JPH3: variants seen among roughly 807,000 people sequenced by gnomAD.
JPH3 encodes the protein junctophilin 3, also known as junctophilin-3.
Under a neutral mutation model 59.6 loss-of-function variants are expected in JPH3, and 11 were observed. The ratio of observed to expected loss-of-function variants is 0.18; its 90% CI spans 0.12 to 0.31. JPH3 has a LOEUF of 0.31. JPH3 is among the 10% of genes least tolerant of loss of function. The pLI is 1.00. For missense variants in JPH3, 1,202 were observed against 1,105.7 expected (o/e 1.09, Z -1.24); for synonymous variants, 673 against 483.6 (o/e 1.39, Z -5.14).
At chr16:87,684,492 T>G in intron 3 of JPH3, 7 of 596,620 alleles carry the variant, frequency 1.2e-5, no homozygotes, top group Non-Finnish European at 1.7e-5. Context: ...GTCTCTCCCA[T>G]TCCCACAGTC....
At position 87,696,671 on chromosome 16, in the gene JPH3, CGGTAGCAAAAATAGAGAAAG is replaced by C; in HGVS notation, c.*17_*36del. 6.2e-7 allele frequency: 1 copy of C among 1,605,296 alleles called. No individual in the cohort carries two copies. The highest frequency in any genetic ancestry group is 8.5e-7 in the Non-Finnish European group (1 of 1,172,698). Reference sequence around the variant, plus strand: ...AACTTTTTCATCTGATGAGATGTCGCGGTAGCAAAAATAGAGAAAGGGTAGAAAAAAGGGACATTAAAATT... The same window carrying C: ...AACTTTTTCATCTGATGAGATGTCGCGGTAGAAAAAAGGGACATTAAAATT... On this transcript the variant is annotated 3_prime_UTR_variant, in exon 5 of 5. Transcript: ENST00000284262.
In JPH3 at chr16:87,622,959, C is replaced by T. The variant is rs199861893; in HGVS notation, c.382+19431C>T. Among the ~76,000 whole-genome samples the T allele has an allele frequency of 1.6e-4, 24 of 152,250 alleles. No individual in the cohort carries two copies. In the East Asian group the frequency reaches 2.3e-3, roughly 15 times the overall value. On this transcript the variant is annotated intron_variant, in intron 1 of 4. Coordinates refer to ENST00000284262, the MANE Select transcript of JPH3 (RefSeq NM_020655.4). ...GAGGACTTGCCTTCTCTGCGATGGC[C>T]GCTACTACCTGGGTCCCACAGGGGG...
At chr16:87,687,765 A>T (rs1313163445) in intron 3 of JPH3, among the ~76,000 whole-genome samples, 1 of 151,940 alleles carries the variant, frequency 6.6e-6, no homozygotes, top group Non-Finnish European at 1.5e-5. Flanking sequence ...GGGCCCCTCT[A>T]GCGTGGGGTC....
Position 87,653,062 on chromosome 16 carries a change from G to T in JPH3, c.1160+8027G>T, listed in dbSNP as rs180920041. ...CAGTGCGTGGTCTCCAAGCCAGTCA[G>T]TGCCTGCGGGGGGGACTAGAATTCT... On this transcript the variant is annotated intron_variant, in intron 2 of 4. Transcript: ENST00000284262. Among the ~76,000 whole-genome samples the T allele has an allele frequency of 1.6e-3, 247 of 151,640 alleles. 1 individual carries two copies. Among genetic ancestry groups the T allele is most frequent in the African/African-American group, 5.8e-3 (236 of 40,944 alleles).
intron 1 of JPH3, among the ~76,000 whole-genome samples, chr16:87,625,828 C>A (rs1329793932): frequency 6.6e-6 from 1 of 152,048 alleles, no homozygotes; most frequent in Non-Finnish European, 1.5e-5. Context: ...AGAACCGCAG[C>A]GGCTTGTAGA....
chr16:87,633,092 G>A (rs1018201974), intron 1 of JPH3, among the ~76,000 whole-genome samples: 2 of 152,088 alleles, frequency 1.3e-5, no homozygotes, highest in South Asian at 2.1e-4. Context: ...AGAATTCTGT[G>A]TCCTCAGGCT....
chr16:87,619,610 A>G (rs1001921084), intron 1 of JPH3, among the ~76,000 whole-genome samples: 1 of 152,082 alleles, frequency 6.6e-6, no homozygotes, highest in Non-Finnish European at 1.5e-5. Context: ...GGCTGTCACT[A>G]TCTGGCTCTG....
intron 2 of JPH3, among the ~76,000 whole-genome samples, chr16:87,676,616 C>T (rs957930408): frequency 4.0e-5 from 6 of 151,724 alleles, no homozygotes; most frequent in African/African-American, 1.5e-4. Flanking sequence ...CGCCTGTAAT[C>T]CCAGCTACAT....
At chr16:87,685,956 A>T (rs1340182696) in intron 3 of JPH3, among the ~76,000 whole-genome samples, 1 of 152,044 alleles carries the variant, frequency 6.6e-6, no homozygotes, top group African/African-American at 2.4e-5. Context: ...AGACAAGATC[A>T]GCCTGGATTG....
rs1597310754 is a variant in JPH3 at position 87,697,131 on chromosome 16, G to A, written c.*471G>A. 1 of 208,522 alleles carries A rather than the reference G, an allele frequency of 4.8e-6. No homozygotes were observed. The highest frequency in any genetic ancestry group is 1.1e-4 in the East Asian group (1 of 8,810). 12.9% of individuals were successfully genotyped at this position (208,522 alleles called of 1,614,324 possible). A position where few individuals can be genotyped will look rare whatever the true frequency, so the allele number is the denominator to read the frequency against. ...CTTTCTCTGTCTAGAACAGACGGGT[G>A]ACAAGTATGGGCAGGAGGCATGGGG... On this transcript the variant is annotated 3_prime_UTR_variant, in exon 5 of 5. Transcript: ENST00000284262.
Position 87,644,491 on chromosome 16 carries a change from A to G in JPH3, c.616A>G (p.Ile206Val). Reference sequence around the variant, plus strand: ...GCTCGTGGCCCACAGTGACTCCGAGATCCTCAAGAGCAAGAAGAAGGGGCT... The same window carrying G: ...GCTCGTGGCCCACAGTGACTCCGAGGTCCTCAAGAGCAAGAAGAAGGGGCT... ...FVLVAHSDSE[I>V]LKSKKKGLFR... The change falls in exon 2 of 5, where the codon ATC becomes GTC. Residue 206 changes from isoleucine (I) to valine (V), a missense_variant. Physicochemically the swap from Ile to Val is conservative, Grantham distance 29. Transcript: ENST00000284262. 6.2e-7 allele frequency: 1 copy of G among 1,612,894 alleles called. No homozygotes were observed. The highest frequency in any genetic ancestry group is 8.5e-7 in the Non-Finnish European group (1 of 1,179,834).
chr16:87,670,955 A>G (rs556957657), intron 2 of JPH3, among the ~76,000 whole-genome samples: 2 of 152,090 alleles, frequency 1.3e-5, no homozygotes, highest in Non-Finnish European at 2.9e-5. Context: ...CCCTCCCTGA[A>G]TCAGTGTGGT....
intron 2 of JPH3, among the ~76,000 whole-genome samples, chr16:87,672,352 T>C (rs918080556): frequency 6.6e-6 from 1 of 152,208 alleles, no homozygotes; most frequent in Non-Finnish European, 1.5e-5. Flanking sequence ...CTCTCTGGCC[T>C]GGCCCTGCTC....
intron 2 of JPH3, among the ~76,000 whole-genome samples, chr16:87,666,697 A>G (rs957604557): frequency 1.3e-5 from 2 of 152,160 alleles, no homozygotes; most frequent in Non-Finnish European, 2.9e-5. Flanking sequence ...GGTCTCCCAC[A>G]GTGCTGGGAT....
chr16:87,655,830 G>A (rs906639215), intron 2 of JPH3, among the ~76,000 whole-genome samples: 4 of 152,240 alleles, frequency 2.6e-5, no homozygotes, highest in African/African-American at 9.6e-5. Context: ...CCTCGTAGGA[G>A]GCTCTGGATT....
intron 2 of JPH3, among the ~76,000 whole-genome samples, chr16:87,657,338 C>A (rs754491753): frequency 6.6e-6 from 1 of 152,182 alleles, no homozygotes; most frequent in Non-Finnish European, 1.5e-5. Context: ...CATGTGAAAT[C>A]TCTAGAACAG....
rs538873993 is a variant in JPH3, at chr16:87,629,171, G to C, written c.383-15087G>C. On this transcript the variant is annotated intron_variant, in intron 1 of 4. Coordinates refer to ENST00000284262, the MANE Select transcript of JPH3 (RefSeq NM_020655.4). Reference sequence around the variant, plus strand: ...ATGGGGAAGTGACTCCATGCCTGCTGCTGTCTCGGTATTTCACAAGTGCTC... The same window carrying C: ...ATGGGGAAGTGACTCCATGCCTGCTCCTGTCTCGGTATTTCACAAGTGCTC... 2.6e-4 allele frequency among the ~76,000 whole-genome samples: 40 copies of C among 152,256 alleles called. No homozygotes were observed. The East Asian group carries it at 4.3e-3, about 16-fold the overall frequency.
rs753076964 is a variant in JPH3 at position 87,611,098 on chromosome 16, C to T, written c.382+7570C>T. Among the ~76,000 whole-genome samples the T allele has an allele frequency of 4.6e-5, 7 of 151,914 alleles. No homozygotes were observed. The highest frequency in any genetic ancestry group is 3.8e-4 in the East Asian group (2 of 5,202). On this transcript the variant is annotated intron_variant, in intron 1 of 4. Transcript: ENST00000284262. The surrounding 1 kb of genome is among the most constrained non-coding windows in gnomAD (Gnocchi z 4.5). The stretch of plus-strand genomic sequence containing the variant: ...GTACGCAGTACAGAGTTTGTGGTAA[C>T]GTGGAAGATTGGAAAAAAAGAAACA...
At chr16:87,663,083 C>T (rs1408430347) in intron 2 of JPH3, among the ~76,000 whole-genome samples, 1 of 151,300 alleles carries the variant, frequency 6.6e-6, no homozygotes, top group East Asian at 1.9e-4. Context: ...CTACAGATTT[C>T]CTGGTTGTAT....
Sources: allele counts gnomAD v4.1 joint callset (sites outside exome capture counted in the v4.1 genomes callset), GRCh38; gene constraint gnomAD v4.1.1; non-coding constraint Gnocchi (gnomAD v3.1); transcripts MANE v1.5; gene names NCBI Gene and HGNC (gene_info 2026-07-23, HGNC 2026-07-21).